The following RABGAP1L variants were observed in gnomAD, a reference collection of about 807,000 sequenced individuals.
The protein encoded by RABGAP1L is rab GTPase-activating protein 1-like.
In RABGAP1L, 63 loss-of-function variants were observed where a neutral mutation model predicts 137.7. The ratio of observed to expected loss-of-function variants is 0.46; its 90% CI spans 0.37 to 0.56. RABGAP1L has a LOEUF of 0.56. RABGAP1L is among the 20% of genes least tolerant of loss of function. The pLI, the probability that RABGAP1L is intolerant of heterozygous loss-of-function variation, is 0.00. For synonymous variants in RABGAP1L, 431 were observed against 433.7 expected (o/e 0.99, Z 0.08); for missense variants, 1,095 against 1,244.0 (o/e 0.88, Z 1.80).
At chr1:174,813,235 G>T (rs545084574) in intron 19 of RABGAP1L, among the ~76,000 whole-genome samples, 2 of 152,240 alleles carry the variant, frequency 1.3e-5, no homozygotes, top group East Asian at 3.9e-4. Context: ...ACTGAACCAG[G>T]GTGTTAACAG....
chr1:174,690,829 CTTTTTTTTTTT>C (rs572724291), intron 15 of RABGAP1L, among the ~76,000 whole-genome samples: 1 of 116,934 alleles, frequency 8.6e-6, no homozygotes, highest in Non-Finnish European at 1.7e-5. Flanking sequence ...CAGCATTCAT[CTTTTTTTTTTT>C]TTTTTTTTTT....
rs1666285804 is a variant in RABGAP1L at position 174,549,719 on chromosome 1, TAGA to T, written c.1711-87651_1711-87649del. On this transcript the variant is annotated intron_variant, in intron 13 of 25. Coordinates refer to ENST00000681986, the MANE Select transcript of RABGAP1L (RefSeq NM_001366446.1). ...CTTAATTTTTTTCCTACAAATAGTA[TAGA>T]AGAATTAACATTACCATTAAATAGG... is the stretch of plus-strand genomic sequence containing the variant. Among the ~76,000 whole-genome samples, 4 of 152,296 alleles carry T rather than the reference TAGA, an allele frequency of 2.6e-5. No individual in the cohort carries two copies. In the South Asian group the frequency reaches 8.3e-4, roughly 32 times the overall value.
intron 13 of RABGAP1L, among the ~76,000 whole-genome samples, chr1:174,460,846 A>G (rs1382970033): frequency 6.6e-6 from 1 of 152,076 alleles, no homozygotes. Flanking sequence ...ATAGATAGGT[A>G]GGTAGGTGGG....
chr1:174,184,372 T>C (rs1666635589), intron 1 of RABGAP1L, among the ~76,000 whole-genome samples: 1 of 152,200 alleles, frequency 6.6e-6, no homozygotes, highest in Non-Finnish European at 1.5e-5. Context: ...CGCAGGTTTT[T>C]GTATGAATAC....
chr1:174,946,356 G>A (rs1211352937), intron 19 of RABGAP1L, among the ~76,000 whole-genome samples: 3 of 152,076 alleles, frequency 2.0e-5, no homozygotes, highest in African/African-American at 7.2e-5. Context: ...GACCTTTTGG[G>A]TAGCTGGGTG....
intron 11 of RABGAP1L, among the ~76,000 whole-genome samples, chr1:174,311,584 A>G (rs556150431): frequency 5.3e-5 from 8 of 152,256 alleles, no homozygotes; most frequent in African/African-American, 1.4e-4. Flanking sequence ...AGTTCAATCC[A>G]TGTTGTTGCA....
intron 13 of RABGAP1L, among the ~76,000 whole-genome samples, chr1:174,615,829 C>T (rs1253216880): frequency 3.3e-5 from 5 of 152,186 alleles, no homozygotes; most frequent in East Asian, 1.9e-4. Context: ...GTTTGATCTC[C>T]GACTGTTGTG....
intron 10 of RABGAP1L, among the ~76,000 whole-genome samples, chr1:174,301,199 T>C (rs1677670360): frequency 6.6e-6 from 1 of 151,704 alleles, no homozygotes; most frequent in South Asian, 2.1e-4. Flanking sequence ...GTGCAGTGCT[T>C]GTTGCTGGAC....
At chr1:174,472,351 A>G (rs150335175) in intron 13 of RABGAP1L, among the ~76,000 whole-genome samples, 3 of 152,320 alleles carry the variant, frequency 2.0e-5, no homozygotes, top group African/African-American at 7.2e-5. Flanking sequence ...GCATGTGGGG[A>G]CAAAGGATGA....
At chr1:174,482,854 C>A (rs1188844910) in intron 13 of RABGAP1L, among the ~76,000 whole-genome samples, 2 of 152,052 alleles carry the variant, frequency 1.3e-5, no homozygotes, top group African/African-American at 2.4e-5. Flanking sequence ...GAAAAAGATA[C>A]CTCTGTTGTT....
chr1:174,892,874 C>T (rs565182765), intron 19 of RABGAP1L, among the ~76,000 whole-genome samples: 64 of 147,752 alleles, frequency 4.3e-4, no homozygotes, highest in African/African-American at 1.2e-3. Flanking sequence ...GGATTACAGG[C>T]GCCCGCCACC....
intron 4 of RABGAP1L, 34 bp downstream of exon 4, chr1:174,231,389 T>C: frequency 3.2e-6 from 5 of 1,576,304 alleles, no homozygotes; most frequent in South Asian, 1.1e-5. Context: ...TAGACACATA[T>C]TAAGTCTTTT....
chr1:174,964,675 A>T, intron 20 of RABGAP1L: 1 of 583,226 alleles, frequency 1.7e-6, no homozygotes, highest in Non-Finnish European at 2.5e-6. Context: ...ACAGCATTTT[A>T]GTCATTCATG....
At chr1:174,700,917 C>G (rs1679598518) in intron 16 of RABGAP1L, 2 of 378,918 alleles carry the variant, frequency 5.3e-6, no homozygotes, top group African/African-American at 4.2e-5. Context: ...TAATAAATAA[C>G]AGATGTGTGG....
At position 174,176,724 on chromosome 1, in the gene RABGAP1L, A is replaced by AT. The variant is rs1462233040; in HGVS notation, c.-34+17067_-34+17068insT. Among the ~76,000 whole-genome samples the AT allele has an allele frequency of 5.2e-5, 7 of 134,342 alleles. 1 individual carries two copies. Among genetic ancestry groups the AT allele is most frequent in the African/African-American group, 1.5e-4 (5 of 33,300 alleles). The allele number at this position is 134,342 out of a possible 152,430, so 88.1% of individuals were successfully genotyped here. ...GAGACCCTTTTTCAGAAAAAAAAAA[A>AT]AAAAAAAAAAAAAAAAAAAAAAGGT... On this transcript the variant is annotated intron_variant, in intron 1 of 25. Transcript: ENST00000681986.
intron 1 of RABGAP1L, among the ~76,000 whole-genome samples, chr1:174,173,604 G>A (rs541862783): frequency 6.6e-6 from 1 of 152,014 alleles, no homozygotes; most frequent in East Asian, 1.9e-4. Context: ...TTAATTTTAT[G>A]TAGTAAGTTT....
At chr1:174,355,515 A>G (rs2148945567) in intron 11 of RABGAP1L, among the ~76,000 whole-genome samples, 1 of 151,620 alleles carries the variant, frequency 6.6e-6, no homozygotes, top group South Asian at 2.1e-4. Flanking sequence ...CTAATGCTAA[A>G]TGACGAATTA....
intron 13 of RABGAP1L, among the ~76,000 whole-genome samples, chr1:174,429,541 C>T (rs1369754674): frequency 6.6e-6 from 1 of 151,780 alleles, no homozygotes; most frequent in African/African-American, 2.4e-5. Flanking sequence ...GGAGCTCGAG[C>T]CCAGCCTGGC....
chr1:174,273,077 T>G (rs1286100419), intron 8 of RABGAP1L, among the ~76,000 whole-genome samples: 2 of 151,974 alleles, frequency 1.3e-5, no homozygotes, highest in African/African-American at 4.8e-5. Context: ...AACATTTAAT[T>G]TGTGATTTGG....
Sources: allele counts gnomAD v4.1 joint callset (sites outside exome capture counted in the v4.1 genomes callset), GRCh38; gene constraint gnomAD v4.1.1; transcripts MANE v1.5; gene names NCBI Gene and HGNC (gene_info 2026-07-23, HGNC 2026-07-21).